Variants in BIRC6 observed in about 807,000 individuals in gnomAD.
BIRC6 encodes baculoviral IAP repeat containing 6.
A neutral mutation model predicts 503.3 loss-of-function variants in BIRC6; 98 were observed. The ratio of observed to expected loss-of-function variants is 0.19; its 90% CI spans 0.17 to 0.23. The LOEUF (loss-of-function observed/expected upper bound fraction) is 0.23. Ranked by LOEUF, BIRC6 falls within the 10% of genes least tolerant of loss-of-function variation. The pLI is 1.00. For missense variants in BIRC6, 5,360 were observed against 5,806.0 expected (o/e 0.92, Z 2.50); for synonymous variants, 2,240 against 2,078.7 (o/e 1.08, Z -2.11).
At chr2:32,430,800 GTCT>G (rs1455351402) in intron 11 of BIRC6, 62 bp from the exon 12 acceptor site, 48 of 1,073,272 alleles carry the variant, frequency 4.5e-5, no homozygotes, top group Middle Eastern at 2.9e-4. Context: ...TCACTTCATT[GTCT>G]TCTTTTTTTT....
intron 3 of BIRC6, among the ~76,000 whole-genome samples, chr2:32,383,563 G>T (rs1206631528): frequency 1.3e-5 from 2 of 151,780 alleles, no homozygotes; most frequent in African/African-American, 4.8e-5. Flanking sequence ...TTGAGATGGA[G>T]TCTCACTTTG....
At chr2:32,404,672 ATATATAT>A (rs1370808049) in intron 8 of BIRC6, among the ~76,000 whole-genome samples, 1 of 151,576 alleles carries the variant, frequency 6.6e-6, no homozygotes, top group Non-Finnish European at 1.5e-5. Context: ...TTACAAATAT[ATATATAT>A]AATTTTTTTT....
intron 66 of BIRC6, among the ~76,000 whole-genome samples, chr2:32,585,295 C>T (rs1418259251): frequency 5.3e-5 from 8 of 152,120 alleles, no homozygotes; most frequent in Admixed American, 1.3e-4. Flanking sequence ...TTCTGATTGA[C>T]GACTTAGGCA....
intron 57 of BIRC6, 114 bp from the exon 58 acceptor site, chr2:32,524,774 T>A: frequency 1.4e-6 from 1 of 731,220 alleles, no homozygotes; most frequent in Non-Finnish European, 1.9e-6. Context: ...TTCCTTTATA[T>A]TGCCTTAGTA....
At chr2:32,381,367 G>T (rs1243444990) in intron 3 of BIRC6, among the ~76,000 whole-genome samples, 4 of 152,166 alleles carry the variant, frequency 2.6e-5, no homozygotes, top group Non-Finnish European at 4.4e-5. Flanking sequence ...AGTCTCCTGA[G>T]TAGCTGGGAT....
At chr2:32,436,560 C>T (rs369491093) in intron 15 of BIRC6, among the ~76,000 whole-genome samples, 1 of 151,968 alleles carries the variant, frequency 6.6e-6, no homozygotes, top group African/African-American at 2.4e-5. Flanking sequence ...CAGTATCTTC[C>T]CTTAAAAGAG....
At chr2:32,476,824 T>G (rs1314730984) in intron 34 of BIRC6, among the ~76,000 whole-genome samples, 1 of 152,188 alleles carries the variant, frequency 6.6e-6, no homozygotes, top group African/African-American at 2.4e-5. Flanking sequence ...GGCTCAAATG[T>G]AGTATGTCTT....
chr2:32,384,750 A>G (rs905667935), intron 3 of BIRC6, among the ~76,000 whole-genome samples: 5 of 152,178 alleles, frequency 3.3e-5, no homozygotes, highest in Admixed American at 1.3e-4. Flanking sequence ...CATAGCCTCC[A>G]TATCTGTTGC....
At chr2:32,605,449 T>G (rs1410704120) in intron 71 of BIRC6, among the ~76,000 whole-genome samples, 3 of 152,220 alleles carry the variant, frequency 2.0e-5, no homozygotes, top group African/African-American at 7.2e-5. Flanking sequence ...CTTTCTGTGC[T>G]TTTGTACAAA....
chr2:32,482,368 A>G, intron 38 of BIRC6, 61 bp from the exon 39 acceptor site: 1 of 1,533,964 alleles, frequency 6.5e-7, no homozygotes, highest in Non-Finnish European at 8.9e-7. Flanking sequence ...GATAATGTAA[A>G]TAACGTGTCA....
intron 61 of BIRC6, among the ~76,000 whole-genome samples, chr2:32,540,278 T>A (rs1376017772): frequency 1.3e-5 from 2 of 152,106 alleles, no homozygotes; most frequent in African/African-American, 4.8e-5. Context: ...GAAAGTATCA[T>A]GTCTTCTCAG....
intron 38 of BIRC6, 135 bp from the exon 39 acceptor site, chr2:32,482,294 T>C (rs1405946152): frequency 3.4e-6 from 3 of 870,844 alleles, no homozygotes; most frequent in Non-Finnish European, 5.2e-6. Context: ...ATTAAAATTA[T>C]AAGGGGATTT....
At chr2:32,504,703 A>G (rs534986879) in intron 49 of BIRC6, among the ~76,000 whole-genome samples, 1 of 152,028 alleles carries the variant, frequency 6.6e-6, no homozygotes, top group South Asian at 2.1e-4. Flanking sequence ...AATAAAAAAA[A>G]TTTAAAAAAA....
chr2:32,561,138 C>T (rs980086938), intron 65 of BIRC6, among the ~76,000 whole-genome samples: 1 of 150,144 alleles, frequency 6.7e-6, no homozygotes, highest in African/African-American at 2.5e-5. Context: ...ACAGAGGTTG[C>T]AGTGAGCCGA....
chr2:32,429,358 G>C (rs1419115273), intron 11 of BIRC6, 63 bp downstream of exon 11: 1 of 1,225,072 alleles, frequency 8.2e-7, no homozygotes. Context: ...CATTTTTCTA[G>C]TTGTTGGAAG....
At chr2:32,476,100 CT>C in intron 33 of BIRC6, 112 bp from the exon 34 acceptor site, 1 of 767,824 alleles carries the variant, frequency 1.3e-6, no homozygotes, top group African/African-American at 1.8e-5. Context: ...TATACTACAT[CT>C]TTCAAGATAA....
At chr2:32,435,370 G>A in intron 13 of BIRC6, 126 bp from the exon 14 acceptor site, 2 of 1,082,778 alleles carry the variant, frequency 1.8e-6, no homozygotes, top group Non-Finnish European at 2.5e-6. Flanking sequence ...AAGTTCCCAA[G>A]TTAACAGGAA....
At chr2:32,610,393 C>A (rs115645570) in intron 72 of BIRC6, among the ~76,000 whole-genome samples, 2,540 of 152,186 alleles carry the variant, frequency 0.017, 52 homozygotes, top group African/African-American at 0.059. Context: ...ATTTAAAAAT[C>A]GCAAATGTAA....
In BIRC6 at chr2:32,445,516, T is replaced by C. The variant is rs751175915; in HGVS notation, c.4337-5T>C. On this transcript the variant is annotated splice_polypyrimidine_tract_variant and splice_region_variant and intron_variant, in intron 20 of 73. Coordinates refer to ENST00000421745, the MANE Select transcript of BIRC6 (RefSeq NM_016252.4). ...AAACATTTATTTTGTTTTTATTGTT[T>C]CCAGGTTCTGTCTATTGGTATTTTG... 13 of 1,543,236 alleles carry C rather than the reference T, an allele frequency of 8.4e-6. No homozygotes were observed. Among genetic ancestry groups the C allele is most frequent in the Middle Eastern group, 1.7e-4 (1 of 5,850 alleles).
Sources: allele counts gnomAD v4.1 joint callset (sites outside exome capture counted in the v4.1 genomes callset), GRCh38; gene constraint gnomAD v4.1.1; transcripts MANE v1.5; gene names NCBI Gene and HGNC (gene_info 2026-07-23, HGNC 2026-07-21).